Variants in PDE11A observed in about 807,000 individuals in gnomAD.
PDE11A encodes the protein dual 3',5'-cyclic-AMP and -GMP phosphodiesterase 11A.
A neutral mutation model predicts 100.5 loss-of-function variants in PDE11A; 100 were observed. That is an observed-to-expected ratio of 1.00 (90% CI 0.85 to 1.18). The LOEUF is 1.18. Ranked by LOEUF, PDE11A falls within the 50% of genes most tolerant of loss-of-function variation. PDE11A has a pLI of 0.00. For missense variants in PDE11A, 1,141 were observed against 1,152.6 expected (o/e 0.99, Z 0.15); for synonymous variants, 381 against 420.8 (o/e 0.91, Z 1.16).
At chr2:177,716,372 C>T (rs2081437418) in intron 12 of PDE11A, among the ~76,000 whole-genome samples, 1 of 152,108 alleles carries the variant, frequency 6.6e-6, no homozygotes, top group South Asian at 2.1e-4. Flanking sequence ...AGCATTATTT[C>T]TTATGGGTAC....
At chr2:177,753,384 C>T (rs545971661) in intron 10 of PDE11A, among the ~76,000 whole-genome samples, 1 of 151,992 alleles carries the variant, frequency 6.6e-6, no homozygotes, top group Admixed American at 6.5e-5. Context: ...AAGAGTAAAA[C>T]CAGAAAGAGG....
At chr2:177,629,707 A>G in intron 19 of PDE11A, 145 bp from the exon 20 acceptor site, 1 of 821,366 alleles carries the variant, frequency 1.2e-6, no homozygotes, top group East Asian at 2.6e-5. Context: ...AGAGCTATTT[A>G]CAAGAAGTAA....
At chr2:177,759,199 A>G (rs544617682) in intron 10 of PDE11A, among the ~76,000 whole-genome samples, 11 of 151,460 alleles carry the variant, frequency 7.3e-5, no homozygotes, top group African/African-American at 2.0e-4. Context: ...ACACACACAC[A>G]CACGCACACA....
chr2:178,019,016 T>A (rs2086374757), intron 1 of PDE11A, among the ~76,000 whole-genome samples: 1 of 152,244 alleles, frequency 6.6e-6, no homozygotes, highest in Non-Finnish European at 1.5e-5. Context: ...TAAACAGAAT[T>A]CAGTTTAATT....
chr2:177,720,299 C>T (rs2081507076), intron 12 of PDE11A, among the ~76,000 whole-genome samples: 1 of 152,030 alleles, frequency 6.6e-6, no homozygotes, highest in Non-Finnish European at 1.5e-5. Flanking sequence ...ACTAGGAGTG[C>T]TTATGAGTAT....
intron 2 of PDE11A, among the ~76,000 whole-genome samples, chr2:177,931,926 A>AAG (rs2085212228): frequency 6.6e-6 from 1 of 151,446 alleles, no homozygotes; most frequent in African/African-American, 2.4e-5. Context: ...AAAAAAAAAA[A>AAG]AAAAGAAAGA....
chr2:177,700,971 AG>A, intron 14 of PDE11A, 149 bp downstream of exon 14: 2 of 702,354 alleles, frequency 2.8e-6, no homozygotes, highest in South Asian at 3.0e-5. Flanking sequence ...CTATAGGAAC[AG>A]AAAAAGCTAC....
At chr2:178,099,421 G>C (rs1050136342) in intron 2 of PDE11A, among the ~76,000 whole-genome samples, 5 of 136,400 alleles carry the variant, frequency 3.7e-5, no homozygotes, top group Admixed American at 1.6e-4. Flanking sequence ...CTGGGTGACA[G>C]AGTGAGTGAG....
intron 19 of PDE11A, among the ~76,000 whole-genome samples, chr2:177,639,399 G>C (rs555417814): frequency 2.0e-5 from 3 of 152,196 alleles, no homozygotes; most frequent in African/African-American, 7.2e-5. Flanking sequence ...TGGAAACAAG[G>C]CCTTTTATCT....
intron 2 of PDE11A, among the ~76,000 whole-genome samples, chr2:177,942,214 C>A (rs904399988): frequency 4.6e-5 from 7 of 152,168 alleles, no homozygotes; most frequent in African/African-American, 1.7e-4. Context: ...AACTTCTTAA[C>A]CTCTCTGAAT....
intron 2 of PDE11A, among the ~76,000 whole-genome samples, chr2:178,103,684 A>G (rs1461879377): frequency 6.6e-6 from 1 of 151,726 alleles, no homozygotes; most frequent in Non-Finnish European, 1.5e-5. Flanking sequence ...TATAATCTCA[A>G]AAAAGCTGAT....
chr2:177,849,508 G>C (rs1451136883), intron 5 of PDE11A, among the ~76,000 whole-genome samples: 8 of 152,126 alleles, frequency 5.3e-5, no homozygotes, highest in Non-Finnish European at 8.8e-5. Flanking sequence ...CAAAATCAAT[G>C]TGCAAAAATC....
chr2:177,955,017 C>G (rs1574305487), intron 2 of PDE11A, among the ~76,000 whole-genome samples: 4 of 152,134 alleles, frequency 2.6e-5, no homozygotes, highest in Non-Finnish European at 2.9e-5. Context: ...ACCAGTGGAG[C>G]ATAATTCAAT....
intron 9 of PDE11A, among the ~76,000 whole-genome samples, chr2:177,781,100 T>C (rs1574134694): frequency 2.0e-5 from 3 of 152,222 alleles, no homozygotes; most frequent in African/African-American, 7.2e-5. Context: ...TGTGCAACTC[T>C]TCCTTTCACT....
chr2:177,945,101 G>A (rs962960623), intron 2 of PDE11A, among the ~76,000 whole-genome samples: 1 of 150,846 alleles, frequency 6.6e-6, no homozygotes, highest in Non-Finnish European at 1.5e-5. Context: ...GGATTGCAGA[G>A]GGAGTCTCGT....
intron 3 of PDE11A, among the ~76,000 whole-genome samples, chr2:177,900,432 A>C (rs1258769871): frequency 6.6e-6 from 1 of 152,236 alleles, no homozygotes; most frequent in African/African-American, 2.4e-5. Context: ...GAAATGTGAC[A>C]ATTTCTTCTC....
intron 2 of PDE11A, among the ~76,000 whole-genome samples, chr2:177,959,795 C>A (rs969389509): frequency 6.6e-6 from 1 of 152,088 alleles, no homozygotes; most frequent in Non-Finnish European, 1.5e-5. Context: ...CAAGGAGTTA[C>A]AGGTTTATTA....
At chr2:177,799,141 C>G (rs992905847) in intron 9 of PDE11A, among the ~76,000 whole-genome samples, 2 of 152,054 alleles carry the variant, frequency 1.3e-5, no homozygotes, top group African/African-American at 4.8e-5. Context: ...AAATACCTGA[C>G]CAGTTTGCTC....
At chr2:177,948,529 A>G (rs1309017920) in intron 2 of PDE11A, among the ~76,000 whole-genome samples, 1 of 152,230 alleles carries the variant, frequency 6.6e-6, no homozygotes, top group African/African-American at 2.4e-5. Flanking sequence ...TGAAAGTTGA[A>G]CATTTTTCTT....
Sources: allele counts gnomAD v4.1 joint callset (sites outside exome capture counted in the v4.1 genomes callset), GRCh38; gene constraint gnomAD v4.1.1; transcripts MANE v1.5; gene names NCBI Gene and HGNC (gene_info 2026-07-23, HGNC 2026-07-21).